LAMA5: variants seen among roughly 807,000 people sequenced by gnomAD.
LAMA5 encodes laminin subunit alpha 5.
A neutral mutation model predicts 433.4 loss-of-function variants in LAMA5; 260 were observed. The observed-to-expected ratio is 0.60, with a 90% confidence interval of 0.54 to 0.66. LAMA5 has a LOEUF of 0.66. Among genes scored for constraint, LAMA5 ranks in the 30% least tolerant of loss-of-function variants. The probability of loss-of-function intolerance (pLI) is 0.00; values close to 1 mark genes in which losing one functional copy is unlikely to be tolerated. For synonymous variants in LAMA5, 2,620 were observed against 2,226.6 expected, an observed-to-expected ratio of 1.18 and a Z score of -4.97; for missense variants, 5,378 against 5,258.5, an observed-to-expected ratio of 1.02 and a Z score of -0.70.
intron 28 of LAMA5, among the ~76,000 whole-genome samples, chr20:62,331,651 T>C (rs1980482627): frequency 6.6e-6 from 1 of 152,104 alleles, no homozygotes; most frequent in Non-Finnish European, 1.5e-5. Flanking sequence ...AAATGGGTGC[T>C]CCCTTTCCGT....
intron 62 of LAMA5, among the ~76,000 whole-genome samples, 196 bp downstream of exon 62, chr20:62,314,108 T>G (rs1416789761): frequency 3.1e-4 from 8 of 25,550 alleles, no homozygotes; most frequent in Non-Finnish European, 4.1e-4. Context: ...CACAGACGGG[T>G]GGCGAGTGGG....
chr20:62,309,646 A>AGG (rs1267405426), intron 79 of LAMA5, 70 bp downstream of exon 79: 332 of 271,254 alleles, frequency 1.2e-3, no homozygotes, highest in African/African-American at 3.1e-3. Context: ...GGGTGGGGGG[A>AGG]GGGTGGTAGG....
chr20:62,319,742 T>C lies in LAMA5; in HGVS notation c.6813A>G (p.Thr2271=), dbSNP rs995169744. The change falls in exon 51 of 80, where the codon ACA becomes ACG. Residue 2271 remains threonine, a synonymous_variant. Transcript: ENST00000252999. Reference sequence around the variant, plus strand: ...CCAACAGCGTCTTCGCATGGCCCAGTGTGGCCTCGGTGCCGGCCAGCAATT... The same window carrying C: ...CCAACAGCGTCTTCGCATGGCCCAGCGTGGCCTCGGTGCCGGCCAGCAATT... ...ASQLLAGTEA[T]LGHAKTLLAA... is the part of the protein sequence containing the mutation. The C allele has an allele frequency of 6.5e-7, 1 of 1,549,390 alleles. No homozygotes were observed. Among genetic ancestry groups the C allele is most frequent in the Non-Finnish European group, 8.7e-7 (1 of 1,147,604 alleles).
In LAMA5 at chr20:62,318,851, G is replaced by A. The variant is rs1189597991; in HGVS notation, c.7034C>T (p.Ala2345Val). 1 of 1,610,080 alleles carries A rather than the reference G, an allele frequency of 6.2e-7. No homozygotes were observed. Among genetic ancestry groups the A allele is most frequent in the Non-Finnish European group, 8.5e-7 (1 of 1,179,292 alleles). ...QAAAEAELAA[A>V]QRLLARVQEQ... ...GGGACAACACCACTCACATCTCTGT[G>A]CTGCAGCCAACTCAGCCTCAGCTGC... The change falls in exon 52 of 80, where the codon GCA becomes GTA. Residue 2345 changes from alanine to valine, a missense_variant. Transcript: ENST00000252999.
In LAMA5 at chr20:62,346,879, G is replaced by A. The variant is rs372370816; in HGVS notation, c.1072+34C>T. ...GGGCCCTCTCATGGGCCAGGGTGTG[G>A]GCAGGACACACGTGTGTGGGAGGAG... On this transcript the variant is annotated intron_variant, in intron 7 of 79. Coordinates refer to ENST00000252999, the MANE Select transcript of LAMA5 (RefSeq NM_005560.6). 8.7e-6 allele frequency: 14 copies of A among 1,608,762 alleles called. No individual in the cohort carries two copies. In the African/African-American group the frequency reaches 1.9e-4, roughly 21 times the overall value.
At chr20:62,311,816 T>TGGGGC in intron 70 of LAMA5, 32 bp from the exon 71 acceptor site, 32 of 1,520,848 alleles carry the variant, frequency 2.1e-5, no homozygotes, top group East Asian at 4.6e-5. Flanking sequence ...GCTCGGTTTT[T>TGGGGC]CCCCACCCTG....
chr20:62,333,982 G>A lies in LAMA5; in HGVS notation c.2797C>T (p.Arg933Ter). 2 of 1,612,904 alleles carry A rather than the reference G, an allele frequency of 1.2e-6. No individual in the cohort carries two copies. The highest frequency in any genetic ancestry group is 1.7e-6 in the Non-Finnish European group (2 of 1,179,870). The change falls in exon 23 of 80, where the codon CGA becomes TGA. Residue 933 changes from arginine (R) to a stop codon, truncating the protein, a stop_gained. Transcript: ENST00000252999. LOFTEE classifies it high-confidence loss of function. ...TSPDLFWLVF[R>*]YVNRGAMSVS... Reference sequence around the variant, plus strand: ...CTCATGGCCCCCCGGTTGACGTATCGGAAGACGAGCCAGAAAAGGTCAGGG... The same window carrying A: ...CTCATGGCCCCCCGGTTGACGTATCAGAAGACGAGCCAGAAAAGGTCAGGG...
rs1985968697 is a variant in LAMA5, at chr20:62,309,645, G to GGTGGGAGGGGGTGGGGGGGGGA, written c.10948+70_10948+71insTCCCCCCCCCACCCCCTCCCAC. 4.9e-6 allele frequency: 5 copies of GGTGGGAGGGGGTGGGGGGGGGA among 1,023,008 alleles called. No individual in the cohort carries two copies. The Admixed American group carries it at 1.9e-4, about 38-fold the overall frequency. The allele number at this position is 1,023,008 out of a possible 1,614,324, so 63.4% of individuals were successfully genotyped here. On this transcript the variant is annotated intron_variant, in intron 79 of 79. Transcript: ENST00000252999. ...GGGGCAGGGGGTGGAGGGGTGGGGG[G>GGTGGGAGGGGGTGGGGGGGGGA]AGGGTGGTAGGTTACGCAGCACCTA...
chr20:62,340,935 A>G (rs900510212), intron 11 of LAMA5, among the ~76,000 whole-genome samples: 1 of 151,938 alleles, frequency 6.6e-6, no homozygotes, highest in African/African-American at 2.4e-5. Context: ...GCTACTCGGG[A>G]GGCTGAGGCA....
intron 35 of LAMA5, 26 bp downstream of exon 35, chr20:62,328,215 G>A (rs375850393): frequency 1.2e-4 from 190 of 1,572,862 alleles, no homozygotes; most frequent in Admixed American, 6.6e-4. Flanking sequence ...ACCAGGGGCC[G>A]CGCTGACGCC....
Position 62,323,850 on chromosome 20 carries a change from G to A in LAMA5, c.5775C>T (p.Ala1925=), listed in dbSNP as rs141907056. ...GGCCGCCTCGCAGGACACAGCCCTC[G>A]GCGAAGCTGCAAAGACCAGCAGCGT... is the stretch of plus-strand genomic sequence containing the variant. ...CPLSVPSNNF[A]EGCVLRGGRT... is the part of the protein sequence containing the mutation. Residue 1925 remains alanine (A), a synonymous_variant, in exon 44 of 80, where the codon GCC becomes GCT. Transcript: ENST00000252999. 182 of 1,605,118 alleles carry A rather than the reference G, an allele frequency of 1.1e-4. No homozygotes were observed. Among genetic ancestry groups the A allele is most frequent in the African/African-American group, 5.2e-4 (39 of 74,812 alleles).
intron 3 of LAMA5, 112 bp from the exon 4 acceptor site, chr20:62,352,472 C>A: frequency 2.6e-6 from 2 of 778,172 alleles, no homozygotes; most frequent in South Asian, 1.6e-5. Context: ...TCCCACAGGC[C>A]AAGAGGCCGC....
chr20:62,312,002 G>T lies in LAMA5; in HGVS notation c.9553C>A (p.Leu3185Ile). The T allele has an allele frequency of 6.2e-7, 1 of 1,612,718 alleles. No homozygotes were observed. Among genetic ancestry groups the T allele is most frequent in the South Asian group, 1.1e-5 (1 of 91,090 alleles). ...SLQQGRVSLQ[L>I]LRTEVKTQAG... ...TGAGTTTTCACTTCAGTCCTCAGGA[G>T]CTGTAGGCTCACACGGCCCTGCTGC... Residue 3185 changes from leucine (L) to isoleucine (I), a missense_variant, in exon 70 of 80, where the codon CTC (leucine) becomes ATC (isoleucine). By Grantham distance (5) the Leu-to-Ile change is conservative. Transcript: ENST00000252999.
intron 38 of LAMA5, 66 bp downstream of exon 38, chr20:62,327,167 T>TCCCAACCCTCTCAGGCGTCCTGGCC (rs1979443996): frequency 6.4e-6 from 9 of 1,413,922 alleles, no homozygotes; most frequent in African/African-American, 1.4e-5. Context: ...CGCTCCTGGC[T>TCCCAACCCTCTCAGGCGTCCTGGCC]CCCAACCCTC....
intron 2 of LAMA5, chr20:62,356,498 T>A (rs1401099913): frequency 6.6e-6 from 1 of 152,378 alleles, no homozygotes; most frequent in Non-Finnish European, 1.5e-5. Flanking sequence ...GAGTTATTTT[T>A]AAAAATCGGC....
At position 62,310,265 on chromosome 20, in the gene LAMA5, C is replaced by T; in HGVS notation, c.10647G>A (p.Val3549=). 6.2e-7 allele frequency: 1 copy of T among 1,611,836 alleles called. No individual in the cohort carries two copies. The highest frequency in any genetic ancestry group is 8.5e-7 in the Non-Finnish European group (1 of 1,179,496). ...TCAGTCCGGTGACTGCCAGGGGCCG[C>T]ACCTCCAGTTCCAGGCCCACATCAG... The part of the protein sequence containing the change: ...TLPDVGLELE[V]RPLAVTGLIF... Residue 3549 remains valine (V), a synonymous_variant, in exon 77 of 80, where the codon GTG becomes GTA. Transcript: ENST00000252999.
intron 51 of LAMA5, among the ~76,000 whole-genome samples, 163 bp downstream of exon 51, chr20:62,319,521 G>A (rs950302766): frequency 5.3e-5 from 8 of 152,198 alleles, no homozygotes; most frequent in East Asian, 1.9e-4. Flanking sequence ...CTGTGTCGCC[G>A]ACCTCCTGAC....
At position 62,336,369 on chromosome 20, in the gene LAMA5, A is replaced by G; in HGVS notation, c.2294T>C (p.Leu765Pro). The change falls in exon 18 of 80, where the codon CTG becomes CCG. Residue 765 changes from leucine (L) to proline (P), a missense_variant. Physicochemically the swap from Leu to Pro is moderately conservative, Grantham distance 98. Coordinates refer to ENST00000252999, the MANE Select transcript of LAMA5 (RefSeq NM_005560.6). ...CDRCKPGFWGLSPSNPEGCTR... is the reference protein window; with the variant it reads ...CDRCKPGFWGPSPSNPEGCTR... ...ACAGCCCTCGGGGTTGCTGGGGCTC[A>G]GTCCCCAGAACCCAGGTTTGCAGCG... 1 of 1,612,122 alleles carries G rather than the reference A, an allele frequency of 6.2e-7. No homozygotes were observed. Among genetic ancestry groups the G allele is most frequent in the Non-Finnish European group, 8.5e-7 (1 of 1,179,490 alleles).
In LAMA5 at chr20:62,337,717, G is replaced by T; in HGVS notation, c.2037C>A (p.Cys679Ter). Residue 679 changes from cysteine to a stop codon, truncating the protein, a stop_gained, in exon 16 of 80, where the codon TGC becomes TGA. Coordinates refer to ENST00000252999, the MANE Select transcript of LAMA5 (RefSeq NM_005560.6). LOFTEE classifies it high-confidence loss of function. Reference sequence around the variant, plus strand: ...CTGCGTGCAGGGAGCCTTCAGCAGAGCAGTGGCAGGCTGCAGACAAGGATA... The same window carrying T: ...CTGCGTGCAGGGAGCCTTCAGCAGATCAGTGGCAGGCTGCAGACAAGGATA... ...HGFPSCVPCH[C>*]SAEGSLHAAC... 6.2e-7 allele frequency: 1 copy of T among 1,609,292 alleles called. No homozygotes were observed. The highest frequency in any genetic ancestry group is 8.5e-7 in the Non-Finnish European group (1 of 1,177,656).
Sources: gnomAD v4.1 joint callset for allele counts (sites outside exome capture counted in the v4.1 genomes callset) on GRCh38, gnomAD v4.1.1 for gene constraint, MANE v1.5 for transcripts, NCBI Gene and HGNC (gene_info 2026-07-23, HGNC 2026-07-21) for gene names.